Variants in PCDH9 observed in about 807,000 individuals in gnomAD.
The protein encoded by PCDH9 is protocadherin-9.
In PCDH9, 24 loss-of-function variants were observed where a neutral mutation model predicts 70.6. The observed-to-expected ratio is 0.34, with a 90% CI of 0.25 to 0.48. The LOEUF (loss-of-function observed/expected upper bound fraction) is 0.48, where lower values mean the gene tolerates loss of function less well. Among genes scored for constraint, PCDH9 ranks in the 20% least tolerant of loss-of-function variants. The probability of loss-of-function intolerance (pLI) is 0.99; values close to 1 mark genes in which losing one functional copy is unlikely to be tolerated. For synonymous variants in PCDH9, 562 were observed against 558.5 expected (o/e 1.01, Z -0.09); for missense variants, 1,281 against 1,503.6 (o/e 0.85, Z 2.45).
intron 2 of PCDH9, among the ~76,000 whole-genome samples, chr13:66,908,248 C>A (rs954534237): frequency 3.9e-5 from 6 of 152,180 alleles, no homozygotes; most frequent in African/African-American, 1.4e-4. Flanking sequence ...TAATGCAACA[C>A]AACTAAGTAC....
intron 4 of PCDH9, among the ~76,000 whole-genome samples, chr13:66,367,584 C>G (rs1485390817): frequency 1.3e-5 from 2 of 151,832 alleles, no homozygotes; most frequent in African/African-American, 4.8e-5. Context: ...TCAAAGGTGG[C>G]CAGTGGGAGG....
At chr13:66,739,948 C>A (rs1481236273) in intron 3 of PCDH9, among the ~76,000 whole-genome samples, 1 of 150,152 alleles carries the variant, frequency 6.7e-6, no homozygotes, top group Non-Finnish European at 1.5e-5. Flanking sequence ...AGAAAGTCAA[C>A]AAGGATACCC....
intron 3 of PCDH9, among the ~76,000 whole-genome samples, chr13:66,854,790 T>C (rs2081368081): frequency 6.6e-6 from 1 of 152,130 alleles, no homozygotes; most frequent in Non-Finnish European, 1.5e-5. Context: ...GTTATATTGT[T>C]GTTGGCCAGG....
intron 3 of PCDH9, among the ~76,000 whole-genome samples, chr13:66,691,550 T>G (rs973955339): frequency 1.3e-5 from 2 of 152,126 alleles, no homozygotes; most frequent in African/African-American, 4.8e-5. Context: ...TTTACTATTA[T>G]TTTAACTTTT....
intron 4 of PCDH9, among the ~76,000 whole-genome samples, chr13:66,339,029 C>A (rs1956083133): frequency 6.6e-6 from 1 of 151,976 alleles, no homozygotes; most frequent in Non-Finnish European, 1.5e-5. Context: ...TTAATGAAAA[C>A]CTTTACCAAA....
intron 4 of PCDH9, among the ~76,000 whole-genome samples, chr13:66,516,654 G>A (rs1959749684): frequency 6.6e-6 from 1 of 151,678 alleles, no homozygotes; most frequent in Non-Finnish European, 1.5e-5. Flanking sequence ...CTTGTCTTTA[G>A]GCATTTGTCT....
intron 4 of PCDH9, among the ~76,000 whole-genome samples, chr13:66,582,868 A>G (rs1275675485): frequency 6.6e-6 from 1 of 152,140 alleles, no homozygotes; most frequent in African/African-American, 2.4e-5. Context: ...CACTACCTAA[A>G]TAGTATGGAG....
At chr13:66,426,325 C>T (rs777565112) in intron 4 of PCDH9, among the ~76,000 whole-genome samples, 49 of 151,456 alleles carry the variant, frequency 3.2e-4, no homozygotes, top group Non-Finnish European at 6.5e-4. Context: ...CTTTTTCAAC[C>T]AAAGAATATG....
chr13:66,744,158 T>C (rs1356770820), intron 3 of PCDH9, among the ~76,000 whole-genome samples: 2 of 152,182 alleles, frequency 1.3e-5, no homozygotes, highest in Admixed American at 1.3e-4. Context: ...TCTCCACACT[T>C]CCAAAACTAT....
intron 3 of PCDH9, among the ~76,000 whole-genome samples, chr13:66,715,779 A>G (rs1386925430): frequency 1.3e-5 from 2 of 152,228 alleles, no homozygotes; most frequent in African/African-American, 4.8e-5. Context: ...ACAAAAACCA[A>G]TAGATCAATA....
intron 4 of PCDH9, among the ~76,000 whole-genome samples, chr13:66,392,705 A>C (rs1041945342): frequency 1.3e-5 from 2 of 152,240 alleles, no homozygotes; most frequent in Admixed American, 1.3e-4. Context: ...TTTCTTATAT[A>C]GGTAAAAGTA....
intron 2 of PCDH9, among the ~76,000 whole-genome samples, chr13:67,178,694 C>T (rs1265740656): frequency 1.3e-5 from 2 of 152,032 alleles, no homozygotes; most frequent in Non-Finnish European, 2.9e-5. Context: ...TCACCTTTCC[C>T]CTTTTCTTTG....
At chr13:66,345,415 G>A (rs1956197848) in intron 4 of PCDH9, among the ~76,000 whole-genome samples, 1 of 152,002 alleles carries the variant, frequency 6.6e-6, no homozygotes, top group African/African-American at 2.4e-5. Context: ...ATCAGGCAGG[G>A]TTGTTTAAAC....
At chr13:66,424,635 C>G (rs1327876503) in intron 4 of PCDH9, among the ~76,000 whole-genome samples, 1 of 151,888 alleles carries the variant, frequency 6.6e-6, no homozygotes, top group Non-Finnish European at 1.5e-5. Flanking sequence ...TCTTAATCAT[C>G]CTTGAGAAGT....
intron 4 of PCDH9, among the ~76,000 whole-genome samples, chr13:66,614,249 A>G (rs965619331): frequency 1.3e-5 from 2 of 152,260 alleles, no homozygotes; most frequent in Non-Finnish European, 2.9e-5. Context: ...GAGTTAAATT[A>G]GGAAAAAGCT....
At chr13:66,783,177 T>A (rs951080156) in intron 3 of PCDH9, among the ~76,000 whole-genome samples, 8 of 152,152 alleles carry the variant, frequency 5.3e-5, no homozygotes, top group Non-Finnish European at 1.0e-4. Context: ...CTTTGGCCAT[T>A]ACACGACCCC....
intron 3 of PCDH9, among the ~76,000 whole-genome samples, chr13:66,839,640 T>C (rs1178218508): frequency 6.6e-6 from 1 of 152,222 alleles, no homozygotes; most frequent in Non-Finnish European, 1.5e-5. Flanking sequence ...CTTACTATCA[T>C]ATTATCAATC....
chr13:66,700,588 A>G (rs2078625276), intron 3 of PCDH9, among the ~76,000 whole-genome samples: 1 of 152,136 alleles, frequency 6.6e-6, no homozygotes, highest in Non-Finnish European at 1.5e-5. Context: ...ATAACAGAAG[A>G]ACATTGGAAG....
intron 2 of PCDH9, among the ~76,000 whole-genome samples, chr13:67,128,276 G>A (rs2138320556): frequency 6.6e-6 from 1 of 152,288 alleles, no homozygotes; most frequent in East Asian, 1.9e-4. Flanking sequence ...ATTTGGATAT[G>A]CTGAAATTTT....
Sources: gnomAD v4.1 joint callset for allele counts (sites outside exome capture counted in the v4.1 genomes callset) on GRCh38, gnomAD v4.1.1 for gene constraint, MANE v1.5 for transcripts, NCBI Gene and HGNC (gene_info 2026-07-23, HGNC 2026-07-21) for gene names.